The following DPP6 variants were observed in gnomAD, a reference collection of about 807,000 sequenced individuals.
DPP6 encodes dipeptidyl peptidase like 6.
DPP6 carries 69 observed loss-of-function variants against 122.6 expected under a neutral mutation model. The observed-to-expected ratio is 0.56, with a 90% CI of 0.46 to 0.69. The LOEUF is 0.69. DPP6 is among the 30% of genes least tolerant of loss of function. The probability of loss-of-function intolerance (pLI) is 0.00; values close to 1 mark genes in which losing one functional copy is unlikely to be tolerated. For missense variants in DPP6, 928 were observed against 1,116.9 expected, an observed-to-expected ratio of 0.83 and a Z score of 2.41; for synonymous variants, 418 against 433.1, an observed-to-expected ratio of 0.97 and a Z score of 0.43.
intron 5 of DPP6, among the ~76,000 whole-genome samples, chr7:154,572,188 A>T (rs1831151613): frequency 6.6e-6 from 1 of 152,138 alleles, no homozygotes; most frequent in South Asian, 2.1e-4. Context: ...TGGTGAGTTG[A>T]TAGAGCCCAT....
chr7:153,881,623 G>A, the DPP6 span, among the ~76,000 whole-genome samples: 1 of 152,106 alleles, frequency 6.6e-6, no homozygotes, highest in Non-Finnish European at 1.5e-5. Flanking sequence ...ATGTCTACCT[G>A]GGGGCCTTGG....
intron 1 of DPP6, among the ~76,000 whole-genome samples, chr7:154,283,472 C>T (rs190194279): frequency 1.6e-4 from 25 of 152,304 alleles, no homozygotes; most frequent in African/African-American, 5.5e-4. Context: ...TCATTATCAT[C>T]ATCATCATCA....
At chr7:153,916,293 G>A (rs1389774523) in intron 1 of DPP6, among the ~76,000 whole-genome samples, 1 of 150,156 alleles carries the variant, frequency 6.7e-6, no homozygotes, top group Non-Finnish European at 1.5e-5. Context: ...TAAATAACAT[G>A]TTCTTGGAGA....
the DPP6 span, among the ~76,000 whole-genome samples, chr7:153,852,164 G>C: frequency 2.6e-5 from 4 of 152,196 alleles, no homozygotes; most frequent in African/African-American, 9.6e-5. Flanking sequence ...TGTCAGCACA[G>C]CCTGGCTGGG....
intron 3 of DPP6, among the ~76,000 whole-genome samples, chr7:154,503,260 G>C (rs1174805064): frequency 1.3e-5 from 2 of 152,198 alleles, no homozygotes; most frequent in Non-Finnish European, 2.9e-5. Flanking sequence ...AGTATTCACA[G>C]AGCATCTTCA....
chr7:154,213,284 T>G (rs1799834298), intron 1 of DPP6, among the ~76,000 whole-genome samples: 1 of 152,202 alleles, frequency 6.6e-6, no homozygotes, highest in African/African-American at 2.4e-5. Flanking sequence ...ATACTTTTAT[T>G]TCAGAATGTG....
chr7:153,870,984 T>TCAG, the DPP6 span, among the ~76,000 whole-genome samples: 1 of 152,216 alleles, frequency 6.6e-6, no homozygotes, highest in African/African-American at 2.4e-5. Context: ...GAACCTCAAA[T>TCAG]GCTGCTGCCT....
chr7:154,488,533 C>T (rs1048961917), intron 3 of DPP6, among the ~76,000 whole-genome samples: 1 of 151,838 alleles, frequency 6.6e-6, no homozygotes, highest in Non-Finnish European at 1.5e-5. Flanking sequence ...CTGGGACTCT[C>T]TAACAGATGA....
In DPP6 at chr7:154,833,807, A is replaced by C. The variant is rs1481425103; in HGVS notation, c.1667-19973A>C. 6.6e-6 allele frequency among the ~76,000 whole-genome samples: 1 copy of C among 152,218 alleles called. No homozygotes were observed. The highest frequency in any genetic ancestry group is 1.5e-5 in the Non-Finnish European group (1 of 68,046). On this transcript the variant is annotated intron_variant, in intron 16 of 25. Coordinates refer to ENST00000377770, the MANE Select transcript of DPP6 (RefSeq NM_130797.4). This position sits in a 1 kb window ranked among gnomAD's most constrained non-coding sequence, Gnocchi z 4.3. ...ACCAAAGATTCTCATAGACAAAGGA[A>C]ATTTAAGGACAAAGGAAAATTATGT...
At chr7:154,432,798 TA>T in intron 1 of DPP6, among the ~76,000 whole-genome samples, 1 of 152,228 alleles carries the variant, frequency 6.6e-6, no homozygotes, top group Admixed American at 6.5e-5. Flanking sequence ...TTCTGTTCGA[TA>T]ATGATGTCAC....
intron 1 of DPP6, among the ~76,000 whole-genome samples, chr7:154,015,093 G>T (rs184203659): frequency 2.3e-4 from 35 of 152,202 alleles, no homozygotes; most frequent in Admixed American, 1.2e-3. Flanking sequence ...ATTGGTGGTG[G>T]TTCTCAAACC....
chr7:154,608,212 C>T (rs1229916849), intron 5 of DPP6, among the ~76,000 whole-genome samples: 5 of 150,994 alleles, frequency 3.3e-5, no homozygotes, highest in African/African-American at 9.7e-5. Flanking sequence ...ATCTCCTGAC[C>T]TCGTGATCCG....
chr7:154,815,223 G>A (rs1799343813), intron 16 of DPP6, among the ~76,000 whole-genome samples: 1 of 152,222 alleles, frequency 6.6e-6, no homozygotes, highest in Non-Finnish European at 1.5e-5. Flanking sequence ...AGGAAGTAAT[G>A]TGATACTACC....
chr7:154,804,104 A>G, intron 14 of DPP6, 149 bp downstream of exon 14: 1 of 1,058,288 alleles, frequency 9.4e-7, no homozygotes, highest in Non-Finnish European at 1.4e-6. Flanking sequence ...TTCTTCATGA[A>G]AATGTATAGT....
intron 1 of DPP6, among the ~76,000 whole-genome samples, chr7:154,331,740 G>A (rs566179379): frequency 6.6e-6 from 1 of 152,300 alleles, no homozygotes; most frequent in Non-Finnish European, 1.5e-5. Flanking sequence ...CCACACAGCA[G>A]GTGTGGCCAA....
chr7:154,658,437 A>T (rs1837409239), intron 6 of DPP6, among the ~76,000 whole-genome samples: 1 of 152,222 alleles, frequency 6.6e-6, no homozygotes, highest in Admixed American at 6.5e-5. Context: ...GATGGAACAA[A>T]AAAGGAGGTA....
chr7:153,775,156 C>A, the DPP6 span, among the ~76,000 whole-genome samples: 3 of 145,166 alleles, frequency 2.1e-5, no homozygotes, highest in African/African-American at 7.7e-5. Context: ...CAATAAAATA[C>A]TAGCAAATAC....
intron 25 of DPP6, chr7:154,890,461 G>C (rs1806503063): frequency 6.6e-6 from 1 of 152,292 alleles, no homozygotes; most frequent in South Asian, 2.1e-4. Flanking sequence ...GTTCCCTTGT[G>C]AAAGACGTTC....
chr7:153,988,016 C>T (rs935571319), intron 1 of DPP6, among the ~76,000 whole-genome samples: 8 of 152,132 alleles, frequency 5.3e-5, no homozygotes, highest in Admixed American at 3.9e-4. Context: ...AGGACCTGAA[C>T]CCTGGAAGCC....
Sources: gnomAD v4.1 joint callset for allele counts (sites outside exome capture counted in the v4.1 genomes callset) on GRCh38, gnomAD v4.1.1 for gene constraint, Gnocchi (gnomAD v3.1) non-coding constraint, MANE v1.5 for transcripts, NCBI Gene and HGNC (gene_info 2026-07-23, HGNC 2026-07-21) for gene names.